Variants in GRIA4 observed in about 807,000 individuals in gnomAD.
GRIA4 encodes the protein glutamate ionotropic receptor AMPA type subunit 4, also known as glutamate receptor 4.
GRIA4 carries 34 observed loss-of-function variants against 104.0 expected under a neutral mutation model. That is an observed-to-expected ratio of 0.33 (90% CI 0.25 to 0.44). The LOEUF is 0.44. Among genes scored for constraint, GRIA4 ranks in the 20% least tolerant of loss-of-function variants. The probability of loss-of-function intolerance (pLI) is 1.00; values close to 1 mark genes in which losing one functional copy is unlikely to be tolerated. For missense variants in GRIA4, 750 were observed against 1,096.5 expected (o/e 0.68, Z 4.46); for synonymous variants, 386 against 381.9 (o/e 1.01, Z -0.13).
At chr11:105,785,379 T>G (rs1217491672) in intron 4 of GRIA4, among the ~76,000 whole-genome samples, 1 of 152,204 alleles carries the variant, frequency 6.6e-6, no homozygotes, top group African/African-American at 2.4e-5. Context: ...TATATTTTAT[T>G]TCTATTAAAT....
At chr11:105,794,215 G>A (rs919669874) in intron 4 of GRIA4, among the ~76,000 whole-genome samples, 4 of 151,536 alleles carry the variant, frequency 2.6e-5, no homozygotes, top group Non-Finnish European at 5.9e-5. Flanking sequence ...CTTATTCGGT[G>A]TTTGTGGGCA....
chr11:105,840,076 T>A (rs190546237), intron 4 of GRIA4, among the ~76,000 whole-genome samples: 31 of 152,318 alleles, frequency 2.0e-4, no homozygotes, highest in African/African-American at 7.2e-4. Context: ...TATTGTCTTA[T>A]AAGTTTATAC....
At chr11:105,722,253 T>A (rs1937874553) in intron 3 of GRIA4, among the ~76,000 whole-genome samples, 1 of 152,162 alleles carries the variant, frequency 6.6e-6, no homozygotes, top group Admixed American at 6.5e-5. Flanking sequence ...ATCAGGGTAT[T>A]AATTTCATTT....
intron 11 of GRIA4, among the ~76,000 whole-genome samples, chr11:105,923,018 C>T (rs376696764): frequency 2.7e-4 from 41 of 152,150 alleles, no homozygotes; most frequent in African/African-American, 9.2e-4. Flanking sequence ...GGTCAATTCT[C>T]AGTCACCCAG....
chr11:105,627,337 T>C (rs1244409480), intron 3 of GRIA4, among the ~76,000 whole-genome samples: 3 of 152,022 alleles, frequency 2.0e-5, no homozygotes, highest in South Asian at 2.1e-4. Context: ...GGAGAGGGAC[T>C]GGACAGCACT....
At chr11:105,889,844 CA>C (rs1254123140) in intron 6 of GRIA4, among the ~76,000 whole-genome samples, 1 of 152,092 alleles carries the variant, frequency 6.6e-6, no homozygotes, top group Non-Finnish European at 1.5e-5. Context: ...GAATATACAA[CA>C]GTTTATTGTA....
At chr11:105,876,293 T>C (rs1393462577) in intron 5 of GRIA4, among the ~76,000 whole-genome samples, 3 of 152,156 alleles carry the variant, frequency 2.0e-5, no homozygotes, top group Non-Finnish European at 2.9e-5. Context: ...TTGTTATGAT[T>C]TTTGTTCTTT....
At chr11:105,858,256 A>G (rs1945089111) in intron 4 of GRIA4, among the ~76,000 whole-genome samples, 1 of 152,182 alleles carries the variant, frequency 6.6e-6, no homozygotes, top group Admixed American at 6.6e-5. Flanking sequence ...ATTTTGCATA[A>G]TGGATAGTTT....
intron 3 of GRIA4, among the ~76,000 whole-genome samples, chr11:105,662,532 A>G (rs935010635): frequency 6.6e-6 from 1 of 151,866 alleles, no homozygotes; most frequent in Non-Finnish European, 1.5e-5. Context: ...GTTAGAGACG[A>G]AAAAGGAATC....
intron 3 of GRIA4, among the ~76,000 whole-genome samples, chr11:105,703,962 A>G (rs1953598814): frequency 6.6e-6 from 1 of 152,090 alleles, no homozygotes; most frequent in South Asian, 2.1e-4. Flanking sequence ...ACAAGCAAAT[A>G]GGAGGACTTA....
chr11:105,892,654 A>G (rs1946498656), intron 6 of GRIA4, among the ~76,000 whole-genome samples: 3 of 152,272 alleles, frequency 2.0e-5, no homozygotes, highest in South Asian at 4.1e-4. Flanking sequence ...CCTAGTTAAG[A>G]TTCCATCAAC....
At chr11:105,625,787 T>C (rs1460250387) in intron 3 of GRIA4, among the ~76,000 whole-genome samples, 1 of 152,124 alleles carries the variant, frequency 6.6e-6, no homozygotes. Flanking sequence ...CTGTTAAGTC[T>C]ATGCTCACAC....
At chr11:105,652,041 A>G (rs1199846479) in intron 3 of GRIA4, among the ~76,000 whole-genome samples, 1 of 152,166 alleles carries the variant, frequency 6.6e-6, no homozygotes, top group Non-Finnish European at 1.5e-5. Context: ...TATCAGGCAT[A>G]AAGACTCCTT....
At chr11:105,831,213 G>T (rs1465451915) in intron 4 of GRIA4, among the ~76,000 whole-genome samples, 1 of 151,976 alleles carries the variant, frequency 6.6e-6, no homozygotes, top group East Asian at 1.9e-4. Flanking sequence ...TCTCCACTGG[G>T]TCTATTAACC....
At chr11:105,671,208 G>GGT (rs753461079) in intron 3 of GRIA4, among the ~76,000 whole-genome samples, 22 of 152,066 alleles carry the variant, frequency 1.4e-4, no homozygotes, top group Admixed American at 1.3e-4. Flanking sequence ...ACAGGTACCA[G>GGT]GTGTTAGAAA....
chr11:105,736,529 T>C (rs1051658373), intron 3 of GRIA4, among the ~76,000 whole-genome samples: 2 of 152,080 alleles, frequency 1.3e-5, no homozygotes, highest in African/African-American at 4.8e-5. Context: ...TTTTAGAATC[T>C]CCTTGTATAG....
intron 4 of GRIA4, among the ~76,000 whole-genome samples, chr11:105,794,900 T>A (rs1478948582): frequency 3.9e-5 from 6 of 152,174 alleles, no homozygotes; most frequent in South Asian, 4.1e-4. Context: ...TTGTGAAACA[T>A]TAAAAATCAC....
At chr11:105,948,589 C>CTT (rs1383366276) in intron 14 of GRIA4, among the ~76,000 whole-genome samples, 5 of 111,204 alleles carry the variant, frequency 4.5e-5, no homozygotes, top group Admixed American at 1.0e-4. Flanking sequence ...CTTTTCTTTT[C>CTT]TTTTTGTTTT....
intron 3 of GRIA4, among the ~76,000 whole-genome samples, chr11:105,638,834 T>C (rs1951280668): frequency 6.6e-6 from 1 of 152,152 alleles, no homozygotes; most frequent in Admixed American, 6.6e-5. Flanking sequence ...GTCTCTTCCT[T>C]CCTCTTGCTT....
Sources: allele counts gnomAD v4.1 joint callset (sites outside exome capture counted in the v4.1 genomes callset), GRCh38; gene constraint gnomAD v4.1.1; transcripts MANE v1.5; gene names NCBI Gene and HGNC (gene_info 2026-07-23, HGNC 2026-07-21).